TENM2: variants seen among roughly 807,000 people sequenced by gnomAD.
The protein encoded by TENM2 is teneurin transmembrane protein 2.
In TENM2, 52 loss-of-function variants were observed where a neutral mutation model predicts 245.2. That is an observed-to-expected ratio of 0.21 (90% CI 0.17 to 0.27). The LOEUF (loss-of-function observed/expected upper bound fraction) is 0.27. Among genes scored for constraint, TENM2 ranks in the 10% least tolerant of loss-of-function variants. TENM2 has a pLI of 1.00. For missense variants in TENM2, 3,046 were observed against 3,666.8 expected (o/e 0.83, Z 4.37); for synonymous variants, 1,363 against 1,438.9 (o/e 0.95, Z 1.19).
the TENM2 span, among the ~76,000 whole-genome samples, chr5:167,020,865 C>G: frequency 6.6e-6 from 1 of 152,296 alleles, no homozygotes; most frequent in East Asian, 1.9e-4. Context: ...AGACCTAGGT[C>G]GGGCATGGCC....
intron 9 of TENM2, among the ~76,000 whole-genome samples, chr5:168,108,629 C>A (rs1794437108): frequency 6.6e-6 from 1 of 152,200 alleles, no homozygotes; most frequent in Non-Finnish European, 1.5e-5. Flanking sequence ...GCTACTTCCC[C>A]AAGGTTACAT....
rs550004780 is a variant in TENM2 at position 168,047,338 on chromosome 5, C to T, written c.1187-89C>T. On this transcript the variant is annotated intron_variant, in intron 5 of 28. Transcript: ENST00000518659. ...TGACGCAGCTTCCTCAAAAGGCAAT[C>T]GCTTGGAAAAGGGCACCTGGCCCTC... 18 of 1,460,902 alleles carry T rather than the reference C, an allele frequency of 1.2e-5. No individual in the cohort carries two copies. The African/African-American group carries it at 1.5e-4, about 13-fold the overall frequency. The allele number at this position is 1,460,902 out of a possible 1,614,324, so 90.5% of individuals were successfully genotyped here.
the TENM2 span, among the ~76,000 whole-genome samples, chr5:167,000,865 AT>A: frequency 6.6e-6 from 1 of 152,160 alleles, no homozygotes; most frequent in Non-Finnish European, 1.5e-5. Flanking sequence ...TAATTTACTT[AT>A]GTAAAAACCT....
At chr5:167,880,647 T>G (rs1773803921) in intron 3 of TENM2, among the ~76,000 whole-genome samples, 1 of 152,170 alleles carries the variant, frequency 6.6e-6, no homozygotes, top group Non-Finnish European at 1.5e-5. Flanking sequence ...GACTGGATTC[T>G]TAGTAACATC....
At chr5:168,232,882 G>GTGTTA (rs1554228879) in intron 25 of TENM2, among the ~76,000 whole-genome samples, 2 of 152,216 alleles carry the variant, frequency 1.3e-5, no homozygotes, top group African/African-American at 4.8e-5. Flanking sequence ...TTGTAATGGA[G>GTGTTA]TGTTAGTCCC....
At chr5:167,595,430 G>T (rs1418300987) in intron 2 of TENM2, among the ~76,000 whole-genome samples, 1 of 152,158 alleles carries the variant, frequency 6.6e-6, no homozygotes, top group African/African-American at 2.4e-5. Context: ...GAAACTGACT[G>T]GATTTTGTCC....
At chr5:167,955,124 C>A (rs564714544) in intron 4 of TENM2, among the ~76,000 whole-genome samples, 32 of 152,290 alleles carry the variant, frequency 2.1e-4, no homozygotes, top group Non-Finnish European at 3.4e-4. Context: ...TCCTCTCCAG[C>A]ATCTGTTGTT....
At chr5:167,660,651 A>C (rs1000848759) in intron 2 of TENM2, among the ~76,000 whole-genome samples, 1 of 151,948 alleles carries the variant, frequency 6.6e-6, no homozygotes, top group African/African-American at 2.4e-5. Context: ...TTATTTTTTC[A>C]AACTTTTTGC....
chr5:167,191,636 AG>A, the TENM2 span, among the ~76,000 whole-genome samples: 1 of 152,026 alleles, frequency 6.6e-6, no homozygotes, highest in East Asian at 1.9e-4. Context: ...AGTGTAGGTA[AG>A]GTCTATACAG....
chr5:167,683,460 G>A (rs1037932776), intron 2 of TENM2, among the ~76,000 whole-genome samples: 9 of 152,148 alleles, frequency 5.9e-5, no homozygotes, highest in Admixed American at 1.3e-4. Context: ...TGCGCTTATC[G>A]TTAAAAACTA....
intron 2 of TENM2, among the ~76,000 whole-genome samples, chr5:167,682,122 C>T (rs1756765630): frequency 6.9e-6 from 1 of 144,528 alleles, no homozygotes; most frequent in Non-Finnish European, 1.5e-5. Context: ...CCCTCCCTCC[C>T]TCCCTGCCTG....
chr5:167,349,500 A>G (rs1233007738), intron 1 of TENM2, among the ~76,000 whole-genome samples: 2 of 152,166 alleles, frequency 1.3e-5, no homozygotes, highest in Non-Finnish European at 2.9e-5. Context: ...TAGAAACTAG[A>G]GATTACTCAA....
rs370994752 is a variant in TENM2 at position 167,690,101 on chromosome 5, CTT to C, written c.503-185860_503-185859del. ...AGGCGAAATTTAGGAAAAAAACACA[CTT>C]TTTTTTTTTTTTTTTTTTTTTTTTA... On this transcript the variant is annotated intron_variant, in intron 2 of 28. Coordinates refer to ENST00000518659, the Ensembl canonical transcript of TENM2. Among the ~76,000 whole-genome samples, 30 of 119,924 alleles carry C rather than the reference CTT, an allele frequency of 2.5e-4. No individual in the cohort carries two copies. The South Asian group carries it at 2.6e-3, about 11-fold the overall frequency. 78.7% of individuals were successfully genotyped at this position (119,924 alleles called of 152,430 possible).
the TENM2 span, chr5:167,168,405 C>T: frequency 6.6e-6 from 1 of 152,226 alleles, no homozygotes; most frequent in African/African-American, 2.4e-5. Flanking sequence ...CCTCCATATC[C>T]TGTTGCTACC....
At chr5:167,622,002 T>C (rs1036503656) in intron 2 of TENM2, among the ~76,000 whole-genome samples, 2 of 152,194 alleles carry the variant, frequency 1.3e-5, no homozygotes, top group Non-Finnish European at 2.9e-5. Flanking sequence ...CTAATATGTG[T>C]GTATATTCAT....
chr5:168,219,269 A>G (rs1436478573), intron 23 of TENM2, among the ~76,000 whole-genome samples: 1 of 152,186 alleles, frequency 6.6e-6, no homozygotes, highest in African/African-American at 2.4e-5. Context: ...TTGGACATGC[A>G]CAGCACCTGG....
At chr5:167,948,294 C>G (rs1779800844) in intron 3 of TENM2, among the ~76,000 whole-genome samples, 1 of 152,206 alleles carries the variant, frequency 6.6e-6, no homozygotes, top group South Asian at 2.1e-4. Context: ...AACCGGTAGG[C>G]ATTTAGGAAG....
chr5:168,051,488 A>G (rs1002313766), intron 6 of TENM2, among the ~76,000 whole-genome samples: 1 of 152,332 alleles, frequency 6.6e-6, no homozygotes, highest in Admixed American at 6.5e-5. Context: ...GCCACTCTGT[A>G]TCATTGCCAA....
chr5:167,809,413 A>T (rs1444334255), intron 2 of TENM2, among the ~76,000 whole-genome samples: 3 of 152,122 alleles, frequency 2.0e-5, no homozygotes, highest in Admixed American at 6.6e-5. Context: ...TCATTATTTC[A>T]GCAGATCACA....
Sources: allele counts gnomAD v4.1 joint callset (sites outside exome capture counted in the v4.1 genomes callset), GRCh38; gene constraint gnomAD v4.1.1; transcripts MANE v1.5; gene names NCBI Gene and HGNC (gene_info 2026-07-23, HGNC 2026-07-21).